The following GABRP variants were observed in gnomAD, a reference collection of about 807,000 sequenced individuals.
GABRP encodes the protein gamma-aminobutyric acid type A receptor subunit pi.
Under a neutral mutation model 47.8 loss-of-function variants are expected in GABRP, and 52 were observed. That is an observed-to-expected ratio of 1.09 (90% CI 0.87 to 1.37). The LOEUF (loss-of-function observed/expected upper bound fraction) is 1.37, where lower values mean the gene tolerates loss of function less well. GABRP is among the 40% of genes most tolerant of loss of function. The pLI is 0.00. For synonymous variants in GABRP, 221 were observed against 205.8 expected, an observed-to-expected ratio of 1.07 and a Z score of -0.63; for missense variants, 525 against 542.8, an observed-to-expected ratio of 0.97 and a Z score of 0.33.
chr5:170,792,360 T>A (rs774675613), intron 3 of GABRP, among the ~76,000 whole-genome samples: 35 of 151,416 alleles, frequency 2.3e-4, no homozygotes, highest in Non-Finnish European at 4.6e-4. Context: ...GAGAATCACT[T>A]GAATCCAGGA....
intron 3 of GABRP, among the ~76,000 whole-genome samples, chr5:170,791,276 A>G (rs73327131): frequency 0.21 from 32,174 of 152,104 alleles, 6,172 homozygotes; most frequent in African/African-American, 0.51. Context: ...AAAAAGGGAA[A>G]AGCACAACCC....
intron 6 of GABRP, among the ~76,000 whole-genome samples, chr5:170,801,355 C>T (rs1236516723): frequency 2.6e-5 from 4 of 152,106 alleles, no homozygotes; most frequent in African/African-American, 7.2e-5. Flanking sequence ...CTTTTAATAC[C>T]TCCTTCCCAA....
chr5:170,790,061 G>A (rs1765227027), intron 3 of GABRP, among the ~76,000 whole-genome samples: 1 of 152,116 alleles, frequency 6.6e-6, no homozygotes, highest in South Asian at 2.1e-4. Flanking sequence ...CCGGCTCCAG[G>A]CTGCAGCCCT....
In GABRP at chr5:170,789,250, A is replaced by T. The variant is rs1357221196; in HGVS notation, c.172+3A>T. 2 of 1,585,868 alleles carry T rather than the reference A, an allele frequency of 1.3e-6. No homozygotes were observed. Among genetic ancestry groups the T allele is most frequent in the African/African-American group, 2.7e-5 (2 of 74,520 alleles). On this transcript the variant is annotated splice_donor_region_variant and intron_variant, in intron 3 of 9. Transcript: ENST00000265294. ...ATTTCTCAGGCCCAATTTTGGTGGT[A>T]GGTCATCCTCTGTGTCCAGGACATC... is the stretch of plus-strand genomic sequence containing the variant.
chr5:170,798,801 T>A (rs901426484), intron 6 of GABRP, among the ~76,000 whole-genome samples: 2 of 152,118 alleles, frequency 1.3e-5, no homozygotes, highest in South Asian at 2.1e-4. Flanking sequence ...GTTTTATATA[T>A]ATATTTTTAT....
At position 170,812,239 on chromosome 5, in the gene GABRP, C is replaced by A; in HGVS notation, c.1304C>A (p.Ala435Glu). 6.2e-7 allele frequency: 1 copy of A among 1,611,560 alleles called. No homozygotes were observed. Among genetic ancestry groups the A allele is most frequent in the Non-Finnish European group, 8.5e-7 (1 of 1,178,120 alleles). ...IFMLANVFYWAYYMYF is the reference protein window; with the variant it reads ...IFMLANVFYWEYYMYF ...ATGCTAGCCAATGTATTTTACTGGG[C>A]ATACTACATGTATTTTTGAGTCAAT... Residue 435 changes from alanine to glutamate, a missense_variant, in exon 10 of 10, where the codon GCA becomes GAA. Transcript: ENST00000265294.
intron 6 of GABRP, among the ~76,000 whole-genome samples, chr5:170,798,623 C>A (rs1315380465): frequency 6.6e-6 from 1 of 152,038 alleles, no homozygotes; most frequent in Non-Finnish European, 1.5e-5. Flanking sequence ...CCCACCCACC[C>A]TTACTCTCCC....
chr5:170,788,893 G>A (rs1765193020), intron 2 of GABRP, among the ~76,000 whole-genome samples: 1 of 152,200 alleles, frequency 6.6e-6, no homozygotes, highest in African/African-American at 2.4e-5. Context: ...TTAAAGAAGA[G>A]ACTTGGAGGG....
rs1025422408 is a variant in GABRP, at chr5:170,813,153, C to T, written c.*895C>T. 1 of 152,108 alleles carries T rather than the reference C, an allele frequency of 6.6e-6. No homozygotes were observed. The highest frequency in any genetic ancestry group is 1.5e-5 in the Non-Finnish European group (1 of 68,032). 9.4% of individuals were successfully genotyped at this position (152,108 alleles called of 1,614,324 possible). On this transcript the variant is annotated 3_prime_UTR_variant, in exon 10 of 10. Transcript: ENST00000265294. The stretch of plus-strand genomic sequence containing the variant: ...AGAATTGAGTCCATTTTCTAGCTGC[C>T]TTTATTCACATAGTGATGGGGTACT...
chr5:170,798,064 C>T lies in GABRP; in HGVS notation c.541+516C>T, dbSNP rs528288876. Among the ~76,000 whole-genome samples the T allele has an allele frequency of 7.2e-5, 11 of 152,296 alleles. No homozygotes were observed. In the East Asian group the frequency reaches 1.2e-3, roughly 16 times the overall value. ...CGTTTTGTTTTGTTCTGTTTTGAGA[C>T]GGAGTCTCGCTCTGTCGCCCAAGCT... On this transcript the variant is annotated intron_variant, in intron 6 of 9. Transcript: ENST00000265294.
At chr5:170,800,080 G>C (rs1050813021) in intron 6 of GABRP, among the ~76,000 whole-genome samples, 4 of 152,152 alleles carry the variant, frequency 2.6e-5, no homozygotes, top group Admixed American at 2.6e-4. Flanking sequence ...CATGCTACCT[G>C]ACTTCAAACA....
intron 6 of GABRP, among the ~76,000 whole-genome samples, chr5:170,798,521 A>C (rs1765498450): frequency 6.6e-6 from 1 of 152,086 alleles, no homozygotes; most frequent in African/African-American, 2.4e-5. Context: ...TGAGACCTAA[A>C]CTTTTAATAT....
intron 1 of GABRP, among the ~76,000 whole-genome samples, chr5:170,785,329 C>T (rs112764206): frequency 0.011 from 1,665 of 152,310 alleles, 30 homozygotes; most frequent in African/African-American, 0.038. Flanking sequence ...TGCCACTTAA[C>T]TGTGTGACCT....
chr5:170,795,492 T>G, intron 5 of GABRP, 67 bp downstream of exon 5: 1 of 1,310,484 alleles, frequency 7.6e-7, no homozygotes, highest in African/African-American at 1.5e-5. Context: ...AGATGTGTCT[T>G]GGGTAGTTGT....
intron 3 of GABRP, among the ~76,000 whole-genome samples, chr5:170,793,126 C>T (rs1398661513): frequency 1.3e-5 from 2 of 152,286 alleles, no homozygotes; most frequent in East Asian, 1.9e-4. Flanking sequence ...CTCTTACACT[C>T]CCCATTGCCG....
intron 6 of GABRP, among the ~76,000 whole-genome samples, chr5:170,801,511 C>T (rs1765589195): frequency 6.6e-6 from 1 of 152,146 alleles, no homozygotes; most frequent in African/African-American, 2.4e-5. Flanking sequence ...TATCCCTGTG[C>T]CAGTTCCCTT....
At chr5:170,805,026 T>C (rs1306051767) in intron 6 of GABRP, among the ~76,000 whole-genome samples, 1 of 147,404 alleles carries the variant, frequency 6.8e-6, no homozygotes, top group African/African-American at 2.5e-5. Context: ...ATTATAATAT[T>C]TATATATTAT....
intron 6 of GABRP, among the ~76,000 whole-genome samples, chr5:170,799,725 G>A (rs1482517114): frequency 6.6e-6 from 1 of 152,148 alleles, no homozygotes. Context: ...CCCCCATTCT[G>A]TAGGTTGCCT....
chr5:170,808,571 A>G, intron 7 of GABRP, 29 bp from the exon 8 acceptor site: 1 of 1,604,660 alleles, frequency 6.2e-7, no homozygotes, highest in Non-Finnish European at 8.5e-7. Context: ...GAACAGACAC[A>G]ATTTCCTATC....
Sources: gnomAD v4.1 joint callset for allele counts (sites outside exome capture counted in the v4.1 genomes callset) on GRCh38, gnomAD v4.1.1 for gene constraint, MANE v1.5 for transcripts, NCBI Gene and HGNC (gene_info 2026-07-23, HGNC 2026-07-21) for gene names.